JARID2: variants seen among roughly 807,000 people sequenced by gnomAD.
JARID2 encodes jumonji and AT-rich interaction domain containing 2, also known as protein Jumonji.
A neutral mutation model predicts 125.6 loss-of-function variants in JARID2; 21 were observed. The ratio of observed to expected loss-of-function variants is 0.17; its 90% CI spans 0.12 to 0.24. The LOEUF (loss-of-function observed/expected upper bound fraction) is 0.24, where lower values mean the gene tolerates loss of function less well. Ranked by LOEUF, JARID2 falls within the 10% of genes least tolerant of loss-of-function variation. The pLI, the probability that JARID2 is intolerant of heterozygous loss-of-function variation, is 1.00. For missense variants in JARID2, 1,303 were observed against 1,639.6 expected, an observed-to-expected ratio of 0.79 and a Z score of 3.55; for synonymous variants, 736 against 661.6, an observed-to-expected ratio of 1.11 and a Z score of -1.73.
At position 15,520,093 on chromosome 6, in the gene JARID2, C is replaced by T; in HGVS notation, c.3583C>T (p.Gln1195Ter). The change falls in exon 18 of 18, where the codon CAG becomes TAG. Residue 1195 changes from glutamine to a stop codon, truncating the protein, a stop_gained. Coordinates refer to ENST00000341776, the MANE Select transcript of JARID2 (RefSeq NM_004973.4). LOFTEE classifies it high-confidence loss of function. Reference sequence around the variant, plus strand: ...GGAACAGATTATCAGTCTGGTCAATCAGATCTGCGGCAAAGTGTCTGGTAA... The same window carrying T: ...GGAACAGATTATCAGTCTGGTCAATTAGATCTGCGGCAAAGTGTCTGGTAA... Reference protein sequence around the residue: ...DEEQIISLVNQICGKVSGKNG... With the variant: ...DEEQIISLVN 1 of 1,613,202 alleles carries T rather than the reference C, an allele frequency of 6.2e-7. No homozygotes were observed. The highest frequency in any genetic ancestry group is 8.5e-7 in the Non-Finnish European group (1 of 1,179,664).
At chr6:15,499,524 C>T (rs1011500665) in intron 7 of JARID2, among the ~76,000 whole-genome samples, 7 of 152,106 alleles carry the variant, frequency 4.6e-5, no homozygotes, top group East Asian at 1.9e-4. Flanking sequence ...GTCACTCGGA[C>T]GGTGGAGGAC....
At chr6:15,247,784 C>G in intron 1 of JARID2, 1 of 985,286 alleles carries the variant, frequency 1.0e-6, no homozygotes, top group East Asian at 1.1e-4. Context: ...GAAAGAAATG[C>G]AAGGTTAAAT....
intron 2 of JARID2, among the ~76,000 whole-genome samples, chr6:15,379,477 A>G (rs749504721): frequency 3.9e-5 from 6 of 152,234 alleles, no homozygotes; most frequent in Non-Finnish European, 8.8e-5. Context: ...ATAACATGCT[A>G]CACAAATAAT....
At chr6:15,302,431 T>G (rs1761665123) in intron 1 of JARID2, among the ~76,000 whole-genome samples, 1 of 151,268 alleles carries the variant, frequency 6.6e-6, no homozygotes, top group African/African-American at 2.4e-5. Flanking sequence ...AAAAAAAGAG[T>G]AAGGAAGAGA....
intron 1 of JARID2, among the ~76,000 whole-genome samples, chr6:15,273,156 T>C (rs1315591323): frequency 6.6e-6 from 1 of 152,194 alleles, no homozygotes; most frequent in East Asian, 1.9e-4. Flanking sequence ...GGATGCCTTA[T>C]GCCTGGAAAC....
intron 1 of JARID2, among the ~76,000 whole-genome samples, chr6:15,267,281 A>T (rs1760121757): frequency 6.6e-6 from 1 of 152,216 alleles, no homozygotes; most frequent in Admixed American, 6.5e-5. Context: ...AAAGCGGCTT[A>T]TCAGTATCTG....
chr6:15,398,638 A>G (rs948139353), intron 2 of JARID2, among the ~76,000 whole-genome samples: 17 of 152,228 alleles, frequency 1.1e-4, no homozygotes, highest in African/African-American at 4.1e-4. Flanking sequence ...GTTTTAGGAA[A>G]TATTGCCTGC....
chr6:15,460,053 G>GA (rs1768370306), intron 4 of JARID2, among the ~76,000 whole-genome samples: 1 of 152,192 alleles, frequency 6.6e-6, no homozygotes, highest in South Asian at 2.1e-4. Context: ...GTATGTTTGA[G>GA]AACGGTGTCA....
intron 12 of JARID2, among the ~76,000 whole-genome samples, chr6:15,510,843 C>T (rs1252120385): frequency 2.0e-5 from 3 of 152,196 alleles, no homozygotes; most frequent in Non-Finnish European, 4.4e-5. Context: ...TCTGGAGGGC[C>T]GAGGGAGCCA....
At chr6:15,421,347 A>C (rs958345281) in intron 3 of JARID2, among the ~76,000 whole-genome samples, 3 of 151,944 alleles carry the variant, frequency 2.0e-5, no homozygotes, top group African/African-American at 4.8e-5. Context: ...TGTGAGAGAG[A>C]CACGTACCAT....
intron 2 of JARID2, among the ~76,000 whole-genome samples, chr6:15,393,461 T>C (rs1273643150): frequency 6.6e-6 from 1 of 152,242 alleles, no homozygotes; most frequent in African/African-American, 2.4e-5. Flanking sequence ...ACTCTACTTC[T>C]GTGCTGTTGA....
intron 3 of JARID2, among the ~76,000 whole-genome samples, chr6:15,421,897 C>T (rs753052903): frequency 6.6e-6 from 1 of 152,194 alleles, no homozygotes; most frequent in Non-Finnish European, 1.5e-5. Flanking sequence ...TGAGGGGCAC[C>T]TCTTGCTGTC....
chr6:15,404,519 G>GCACACACA (rs3138770), intron 2 of JARID2, among the ~76,000 whole-genome samples: 164 of 138,348 alleles, frequency 1.2e-3, no homozygotes, highest in African/African-American at 1.7e-3. Flanking sequence ...ATCTTAAAGT[G>GCACACACA]CACACACACA....
At chr6:15,361,079 A>G (rs1043590177) in intron 1 of JARID2, among the ~76,000 whole-genome samples, 1 of 152,244 alleles carries the variant, frequency 6.6e-6, no homozygotes, top group Non-Finnish European at 1.5e-5. Flanking sequence ...AGGTAACAGC[A>G]CATTGAAAAA....
At chr6:15,332,103 C>T (rs1762729861) in intron 1 of JARID2, among the ~76,000 whole-genome samples, 3 of 151,854 alleles carry the variant, frequency 2.0e-5, no homozygotes, top group South Asian at 2.1e-4. Flanking sequence ...AGTTGCTCTT[C>T]GCCATATGTC....
At chr6:15,507,078 G>A (rs1581661123) in intron 9 of JARID2, 58 bp from the exon 10 acceptor site, 1 of 1,094,914 alleles carries the variant, frequency 9.1e-7, no homozygotes, top group East Asian at 2.4e-5. Flanking sequence ...GGGTTGAACT[G>A]TGCTCTGTGG....
intron 1 of JARID2, among the ~76,000 whole-genome samples, chr6:15,257,362 C>G (rs6941059): frequency 0.069 from 10,521 of 152,168 alleles, 1,233 homozygotes; most frequent in African/African-American, 0.24. Context: ...GGACATTCCT[C>G]TACTTGCACA....
At chr6:15,498,331 A>C (rs991632833) in intron 7 of JARID2, among the ~76,000 whole-genome samples, 3 of 152,124 alleles carry the variant, frequency 2.0e-5, no homozygotes, top group Admixed American at 6.5e-5. Context: ...TAGTGAATGC[A>C]TATCTGGGCT....
intron 3 of JARID2, among the ~76,000 whole-genome samples, chr6:15,449,615 CTA>C (rs980618574): frequency 6.6e-5 from 10 of 152,124 alleles, no homozygotes; most frequent in African/African-American, 2.4e-4. Flanking sequence ...CTGTAGTGAG[CTA>C]TGATAGCGTC....
Sources: gnomAD v4.1 joint callset for allele counts (sites outside exome capture counted in the v4.1 genomes callset) on GRCh38, gnomAD v4.1.1 for gene constraint, MANE v1.5 for transcripts, NCBI Gene and HGNC (gene_info 2026-07-23, HGNC 2026-07-21) for gene names.